Variants in ANKRD36C observed in about 807,000 individuals in gnomAD.
ANKRD36C encodes the protein ankyrin repeat domain 36C, also known as ankyrin repeat domain-containing protein 36C.
In ANKRD36C, 61 loss-of-function variants were observed where a neutral mutation model predicts 276.4. That is an observed-to-expected ratio of 0.22 (90% CI 0.18 to 0.27). ANKRD36C has a LOEUF of 0.27. Ranked by LOEUF, ANKRD36C falls within the 10% of genes least tolerant of loss-of-function variation. The pLI, the probability that ANKRD36C is intolerant of heterozygous loss-of-function variation, is 1.00. For synonymous variants in ANKRD36C, 483 were observed against 680.1 expected, an observed-to-expected ratio of 0.71 and a Z score of 4.51; for missense variants, 1,447 against 2,032.3, an observed-to-expected ratio of 0.71 and a Z score of 5.54.
intron 30 of ANKRD36C, among the ~76,000 whole-genome samples, chr2:95,924,281 T>A (rs1349158010): frequency 6.6e-6 from 1 of 151,642 alleles, no homozygotes; most frequent in East Asian, 1.9e-4. Context: ...GGTGGAATAA[T>A]CTGCCTACAT....
chr2:95,934,156 G>A (rs1200256295), intron 24 of ANKRD36C, among the ~76,000 whole-genome samples: 1 of 152,144 alleles, frequency 6.6e-6, no homozygotes, highest in Non-Finnish European at 1.5e-5. Flanking sequence ...TTGTTGGTGG[G>A]AGTGTCAATT....
chr2:95,857,847 C>T (rs1288747785), intron 61 of ANKRD36C, among the ~76,000 whole-genome samples: 4 of 145,556 alleles, frequency 2.7e-5, no homozygotes, highest in African/African-American at 9.7e-5. Flanking sequence ...AGCTGAGACC[C>T]AGGCACCCTT....
chr2:95,916,044 A>C, exon 38 of ANKRD36C: 1 of 1,583,056 alleles, frequency 6.3e-7, no homozygotes, highest in Non-Finnish European at 8.6e-7. Context: ...CTTTCTCATC[A>C]CTTGTAGCCT....
At chr2:95,954,912 A>G (rs1678292418) in intron 13 of ANKRD36C, among the ~76,000 whole-genome samples, 1 of 152,050 alleles carries the variant, frequency 6.6e-6, no homozygotes, top group African/African-American at 2.4e-5. Context: ...GCAATCTCCA[A>G]TCTATGTCTT....
chr2:95,879,067 T>C lies in ANKRD36C; in HGVS notation c.3469+1360A>G, dbSNP rs534356082. On this transcript the variant is annotated intron_variant, in intron 58 of 66. Transcript: ENST00000456556. ...ATAATTTGGAATCAATCTAAATGTA[T>C]ATCAACAGAAAAATGGGTTCTAAAA... 1.2e-3 allele frequency among the ~76,000 whole-genome samples: 190 copies of C among 152,260 alleles called. No homozygotes were observed. The Middle Eastern group carries it at 0.014, about 11-fold the overall frequency.
chr2:95,867,601 G>C lies in ANKRD36C; in HGVS notation c.3541-20C>G, dbSNP rs559738901. On this transcript the variant is annotated intron_variant, in intron 59 of 66. Coordinates refer to ENST00000456556, the Ensembl canonical transcript of ANKRD36C. ...TTTCACCTACAAAATAAATAACACT[G>C]TTTCAAAATGTCCCCAAAATATTTA... 299 of 1,110,530 alleles carry C rather than the reference G, an allele frequency of 2.7e-4. No homozygotes were observed. In the African/African-American group the frequency reaches 4.3e-3, roughly 16 times the overall value. The allele number at this position is 1,110,530 out of a possible 1,614,324, so 68.8% of individuals were successfully genotyped here.
chr2:95,921,640 T>G lies in ANKRD36C; in HGVS notation c.2212A>C (p.Thr738Pro), dbSNP rs774279738. Residue 738 changes from threonine to proline, a missense_variant, in exon 34 of 67, where the codon ACA (threonine) becomes CCA (proline). Transcript: ENST00000456556. ...GATTTTTCTCCATCCTTTATTTCTG[T>G]GGCTATATTCGAAACAGAATCTTCC... is the stretch of plus-strand genomic sequence containing the variant. The G allele has an allele frequency of 7.5e-6, 12 of 1,609,432 alleles. No individual in the cohort carries two copies. The South Asian group carries it at 1.3e-4, about 18-fold the overall frequency.
At chr2:95,929,702 T>C (rs958808352) in intron 24 of ANKRD36C, among the ~76,000 whole-genome samples, 6 of 151,684 alleles carry the variant, frequency 4.0e-5, no homozygotes, top group African/African-American at 1.2e-4. Flanking sequence ...ACATTCATCA[T>C]GCTCTTTAAC....
intron 60 of ANKRD36C, among the ~76,000 whole-genome samples, chr2:95,866,150 G>A (rs1323221471): frequency 1.3e-5 from 2 of 151,958 alleles, no homozygotes; most frequent in Non-Finnish European, 2.9e-5. Flanking sequence ...TCAAAATGGA[G>A]CACAGATTTA....
chr2:95,960,602 C>G, intron 9 of ANKRD36C, 37 bp downstream of exon 9: 2 of 1,351,172 alleles, frequency 1.5e-6, no homozygotes, highest in Non-Finnish European at 2.0e-6. Context: ...ATAGACTATA[C>G]AGTTAATTAT....
chr2:95,915,115 G>C (rs1156780075), intron 38 of ANKRD36C, among the ~76,000 whole-genome samples: 1 of 151,416 alleles, frequency 6.6e-6, no homozygotes, highest in Non-Finnish European at 1.5e-5. Context: ...ATCACTCTAG[G>C]ACTTAATTAG....
At chr2:95,875,618 C>T (rs1156407327) in intron 59 of ANKRD36C, among the ~76,000 whole-genome samples, 1 of 151,718 alleles carries the variant, frequency 6.6e-6, no homozygotes, top group African/African-American at 2.4e-5. Flanking sequence ...CAGCATGGCA[C>T]GTGTATACAT....
rs1470478500 is a variant in ANKRD36C at position 95,950,716 on chromosome 2, A to G, written c.1295+33T>C. On this transcript the variant is annotated intron_variant, in intron 16 of 66. Coordinates refer to ENST00000456556, the Ensembl canonical transcript of ANKRD36C. ...TCTCTTCTCGCTATTCACTTAGTTA[A>G]CATATCACTTTAAAAAATCTCTGAA... 7 of 1,533,640 alleles carry G rather than the reference A, an allele frequency of 4.6e-6. No individual in the cohort carries two copies. In the South Asian group the frequency reaches 7.1e-5, roughly 16 times the overall value.
intron 6 of ANKRD36C, among the ~76,000 whole-genome samples, chr2:95,977,821 T>C (rs912444272): frequency 1.8e-4 from 27 of 152,154 alleles, no homozygotes; most frequent in African/African-American, 6.3e-4. Context: ...TTCATTATCA[T>C]GTGACTATAA....
chr2:95,914,370 C>T, intron 38 of ANKRD36C, 67 bp from the exon 41 acceptor site: 1 of 1,515,540 alleles, frequency 6.6e-7, no homozygotes, highest in Non-Finnish European at 8.9e-7. Flanking sequence ...TACATTCATG[C>T]AGTGTTAGCA....
At chr2:95,990,217 C>T (rs1679110238) in intron 1 of ANKRD36C, among the ~76,000 whole-genome samples, 1 of 152,138 alleles carries the variant, frequency 6.6e-6, no homozygotes, top group African/African-American at 2.4e-5. Flanking sequence ...AAAAATCTAG[C>T]CAGATTTCTC....
chr2:95,919,321 G>A lies in ANKRD36C; in HGVS notation c.2246-1279C>T, dbSNP rs1379269318. On this transcript the variant is annotated intron_variant, in intron 34 of 66. Coordinates refer to ENST00000456556, the Ensembl canonical transcript of ANKRD36C. ...GTCTCCTTAGTTCTCCTTCTACAGTGTCTATAGGTTATTAATATCAGTTTT... is the reference window on the plus strand; with the variant it reads ...GTCTCCTTAGTTCTCCTTCTACAGTATCTATAGGTTATTAATATCAGTTTT... Among the ~76,000 whole-genome samples, 2 of 133,150 alleles carry A rather than the reference G, an allele frequency of 1.5e-5. 1 individual carries two copies. The highest frequency in any genetic ancestry group is 3.4e-5 in the Non-Finnish European group (2 of 59,408). 87.4% of individuals were successfully genotyped at this position (133,150 alleles called of 152,430 possible).
chr2:95,981,351 TA>T (rs1346529317), intron 4 of ANKRD36C, among the ~76,000 whole-genome samples: 4 of 148,156 alleles, frequency 2.7e-5, no homozygotes, highest in Admixed American at 6.8e-5. Flanking sequence ...ATATAAAATA[TA>T]TATTGTATAT....
At chr2:95,868,550 G>C (rs1304096123) in intron 59 of ANKRD36C, among the ~76,000 whole-genome samples, 1 of 149,388 alleles carries the variant, frequency 6.7e-6, no homozygotes, top group Admixed American at 6.7e-5. Context: ...TTCAGTATCT[G>C]GTTTGTTGTC....
Sources: allele counts gnomAD v4.1 joint callset (sites outside exome capture counted in the v4.1 genomes callset), GRCh38; gene constraint gnomAD v4.1.1; transcripts MANE v1.5; gene names NCBI Gene and HGNC (gene_info 2026-07-23, HGNC 2026-07-21).